The following SOCS5 variants were observed in gnomAD, a reference collection of about 807,000 sequenced individuals.
SOCS5 encodes CIS-6.
Under a neutral mutation model 42.8 loss-of-function variants are expected in SOCS5, and 32 were observed. That is an observed-to-expected ratio of 0.75 (90% confidence interval 0.56 to 1.01). SOCS5 has a LOEUF of 1.01. Among genes scored for constraint, SOCS5 ranks in the 50% least tolerant of loss-of-function variants. The probability of loss-of-function intolerance (pLI) is 0.00; values close to 1 mark genes in which losing one functional copy is unlikely to be tolerated. For missense variants in SOCS5, 627 were observed against 653.0 expected (o/e 0.96, Z 0.43); for synonymous variants, 283 against 229.6 (o/e 1.23, Z -2.10).
intron 1 of SOCS5, among the ~76,000 whole-genome samples, chr2:46,757,782 T>C (rs1328280706): frequency 6.6e-6 from 1 of 152,140 alleles, no homozygotes; most frequent in Non-Finnish European, 1.5e-5. Context: ...AGGAGGATCA[T>C]TTGAACCTGG....
intron 1 of SOCS5, among the ~76,000 whole-genome samples, chr2:46,731,866 A>G (rs776452510): frequency 7.2e-5 from 11 of 152,234 alleles, no homozygotes; most frequent in Admixed American, 3.3e-4. Context: ...ACTACAATAA[A>G]TATGGCACTT....
At chr2:46,747,086 A>G (rs1673518878) in intron 1 of SOCS5, among the ~76,000 whole-genome samples, 1 of 151,942 alleles carries the variant, frequency 6.6e-6, no homozygotes, top group Non-Finnish European at 1.5e-5. Context: ...AAAGATTTTA[A>G]TTACTGATTC....
intron 1 of SOCS5, among the ~76,000 whole-genome samples, chr2:46,732,783 A>G (rs1673154125): frequency 6.6e-6 from 1 of 152,188 alleles, no homozygotes; most frequent in Non-Finnish European, 1.5e-5. Flanking sequence ...TAAAAGCTAT[A>G]GATGCTCACT....
rs150521903 is a variant in SOCS5 at position 46,719,402 on chromosome 2, G to A, written c.-13+19953G>A. ...CATGTTTCATAGTTTAAAATTATGAGTTTCTATCAAACAGTTCTTTATGCA... is the reference window on the plus strand; with the variant it reads ...CATGTTTCATAGTTTAAAATTATGAATTTCTATCAAACAGTTCTTTATGCA... On this transcript the variant is annotated intron_variant, in intron 1 of 1. Coordinates refer to ENST00000394861, the MANE Select transcript of SOCS5 (RefSeq NM_144949.3). 4.3e-3 allele frequency among the ~76,000 whole-genome samples: 660 copies of A among 152,256 alleles called. 5 individuals carry two copies. The highest frequency in any genetic ancestry group is 7.4e-3 in the Non-Finnish European group (504 of 68,010).
At chr2:46,713,334 T>G (rs952650098) in intron 1 of SOCS5, among the ~76,000 whole-genome samples, 1 of 152,154 alleles carries the variant, frequency 6.6e-6, no homozygotes, top group Non-Finnish European at 1.5e-5. Context: ...CCAGGGTGGG[T>G]GACAGAGTGA....
At chr2:46,744,728 A>T (rs1412104883) in intron 1 of SOCS5, among the ~76,000 whole-genome samples, 2 of 151,602 alleles carry the variant, frequency 1.3e-5, no homozygotes, top group Non-Finnish European at 2.9e-5. Context: ...GGGTTTTACC[A>T]TGTTAGCCAG....
Position 46,761,196 on chromosome 2 carries a change from G to A in SOCS5, c.*1055G>A, listed in dbSNP as rs1572850715. The A allele has an allele frequency of 6.0e-6, 1 of 166,992 alleles. No individual in the cohort carries two copies. Among genetic ancestry groups the A allele is most frequent in the Non-Finnish European group, 1.5e-5 (1 of 68,098 alleles). 10.3% of individuals were successfully genotyped at this position (166,992 alleles called of 1,614,324 possible). On this transcript the variant is annotated 3_prime_UTR_variant, in exon 2 of 2. Transcript: ENST00000394861. Reference sequence around the variant, plus strand: ...GAAACCTAAATTGCAGATTTAAAAGGTACTGTACAACCATTATATCTGTAA... The same window carrying A: ...GAAACCTAAATTGCAGATTTAAAAGATACTGTACAACCATTATATCTGTAA...
intron 1 of SOCS5, among the ~76,000 whole-genome samples, chr2:46,706,664 A>T (rs1017295225): frequency 2.0e-5 from 3 of 152,206 alleles, no homozygotes; most frequent in East Asian, 3.8e-4. Context: ...AGTCACCAGA[A>T]TAGGAGTCCA....
intron 1 of SOCS5, among the ~76,000 whole-genome samples, chr2:46,716,499 A>G (rs893500242): frequency 1.3e-4 from 20 of 151,376 alleles, no homozygotes; most frequent in African/African-American, 4.9e-4. Context: ...ATTAATTAAG[A>G]CAGGGCTTCA....
At position 46,762,003 on chromosome 2, in the gene SOCS5, T is replaced by A. The variant is rs1435415492; in HGVS notation, c.*1862T>A. 1 of 167,066 alleles carries A rather than the reference T, an allele frequency of 6.0e-6. No homozygotes were observed. The highest frequency in any genetic ancestry group is 2.4e-5 in the African/African-American group (1 of 41,472). The allele number at this position is 167,066 out of a possible 1,614,324, so 10.3% of individuals were successfully genotyped here. A position where few individuals can be genotyped will look rare whatever the true frequency, so the allele number is the denominator to read the frequency against. On this transcript the variant is annotated 3_prime_UTR_variant, in exon 2 of 2. Coordinates refer to ENST00000394861, the MANE Select transcript of SOCS5 (RefSeq NM_144949.3). ...GGTTAAATGAAGTCTTGTGAATTTGTAATAGATCAGTACCATTTATTGGTT... is the reference window on the plus strand; with the variant it reads ...GGTTAAATGAAGTCTTGTGAATTTGAAATAGATCAGTACCATTTATTGGTT...
intron 1 of SOCS5, among the ~76,000 whole-genome samples, chr2:46,726,915 C>T (rs569176613): frequency 6.6e-6 from 1 of 151,320 alleles, no homozygotes; most frequent in Admixed American, 6.6e-5. Context: ...TGCCACCATG[C>T]CCGGCTAATT....
At chr2:46,737,318 A>G (rs929667176) in intron 1 of SOCS5, among the ~76,000 whole-genome samples, 1 of 152,250 alleles carries the variant, frequency 6.6e-6, no homozygotes, top group Non-Finnish European at 1.5e-5. Flanking sequence ...AGATTTTATC[A>G]TGACTGGACA....
At chr2:46,705,668 T>A (rs1672446225) in intron 1 of SOCS5, among the ~76,000 whole-genome samples, 2 of 152,246 alleles carry the variant, frequency 1.3e-5, no homozygotes, top group African/African-American at 2.4e-5. Context: ...TGCTCATTTA[T>A]CTAATTATTT....
Position 46,762,267 on chromosome 2 carries a change from T to A in SOCS5, c.*2126T>A, listed in dbSNP as rs1558416399. ...TGCCTAATTGTTGGGTCTTTTTTCT[T>A]GAGCTTATAATGTACCTGGAAAATA... On this transcript the variant is annotated 3_prime_UTR_variant, in exon 2 of 2. Transcript: ENST00000394861. 1 of 166,816 alleles carries A rather than the reference T, an allele frequency of 6.0e-6. No homozygotes were observed. The highest frequency in any genetic ancestry group is 2.1e-4 in the South Asian group (1 of 4,836). 10.3% of individuals were successfully genotyped at this position (166,816 alleles called of 1,614,324 possible).
Position 46,760,326 on chromosome 2 carries a change from C to T in SOCS5, c.*185C>T. 1.2e-5 allele frequency: 7 copies of T among 588,328 alleles called. No individual in the cohort carries two copies. The Middle Eastern group carries it at 2.7e-3, about 227-fold the overall frequency. 36.4% of individuals were successfully genotyped at this position (588,328 alleles called of 1,614,324 possible). The stretch of plus-strand genomic sequence containing the variant: ...AACATGGTGCCTATTGGAACAATAG[C>T]GGATAGAGCTACAGGTGTTCAGTAA... On this transcript the variant is annotated 3_prime_UTR_variant, in exon 2 of 2. Transcript: ENST00000394861.
intron 1 of SOCS5, among the ~76,000 whole-genome samples, chr2:46,738,909 A>G (rs1002867273): frequency 6.6e-6 from 1 of 152,238 alleles, no homozygotes; most frequent in African/African-American, 2.4e-5. Flanking sequence ...AGTAAGATGC[A>G]GAACCAGGAT....
At chr2:46,734,629 A>G (rs1377715923) in intron 1 of SOCS5, among the ~76,000 whole-genome samples, 2 of 152,170 alleles carry the variant, frequency 1.3e-5, no homozygotes, top group African/African-American at 2.4e-5. Flanking sequence ...CTAGTCCTCA[A>G]TATTTACTAA....
At chr2:46,748,106 T>C (rs1339727116) in intron 1 of SOCS5, among the ~76,000 whole-genome samples, 4 of 152,176 alleles carry the variant, frequency 2.6e-5, no homozygotes, top group African/African-American at 9.7e-5. Flanking sequence ...CTTATTTGCC[T>C]TTACTTCTCC....
At chr2:46,740,619 G>A (rs1189474074) in intron 1 of SOCS5, among the ~76,000 whole-genome samples, 3 of 152,144 alleles carry the variant, frequency 2.0e-5, no homozygotes, top group African/African-American at 7.2e-5. Context: ...AGAATACAGA[G>A]TCTAGAAGCA....
Sources: gnomAD v4.1 joint callset for allele counts (sites outside exome capture counted in the v4.1 genomes callset) on GRCh38, gnomAD v4.1.1 for gene constraint, MANE v1.5 for transcripts, NCBI Gene and HGNC (gene_info 2026-07-23, HGNC 2026-07-21) for gene names.